Variants in CALN1 observed in about 807,000 individuals in gnomAD.
The protein encoded by CALN1 is calneuron 1.
In CALN1, 17 loss-of-function variants were observed where a neutral mutation model predicts 30.6. The observed-to-expected ratio is 0.56, with a 90% CI of 0.38 to 0.83. The LOEUF is 0.83. CALN1 is among the 40% of genes least tolerant of loss of function. The pLI is 0.00. For synonymous variants in CALN1, 156 were observed against 131.4 expected, an observed-to-expected ratio of 1.19 and a Z score of -1.28; for missense variants, 291 against 354.9, an observed-to-expected ratio of 0.82 and a Z score of 1.45.
At chr7:71,968,288 G>A (rs1027554936) in intron 5 of CALN1, among the ~76,000 whole-genome samples, 5 of 152,074 alleles carry the variant, frequency 3.3e-5, no homozygotes, top group African/African-American at 9.7e-5. Context: ...AGGCCAAAAG[G>A]TTATATACTG....
chr7:72,271,575 A>AAAAAAAAATATATATATATATATAT, intron 3 of CALN1, among the ~76,000 whole-genome samples: 6 of 52,124 alleles, frequency 1.2e-4, no homozygotes, highest in South Asian at 1.2e-3. Context: ...AAAAAAAAAA[A>AAAAAAAAATATATATATATATATAT]ATATATATAT....
intron 4 of CALN1, among the ~76,000 whole-genome samples, chr7:72,081,436 G>T (rs1563040649): frequency 8.5e-5 from 2 of 23,602 alleles, no homozygotes; most frequent in Admixed American, 5.2e-4. Flanking sequence ...TGTTTTTGGT[G>T]TGTGTGTTTT....
intron 2 of CALN1, among the ~76,000 whole-genome samples, chr7:72,308,536 C>T (rs1316774056): frequency 2.0e-5 from 3 of 152,074 alleles, no homozygotes; most frequent in Non-Finnish European, 4.4e-5. Context: ...GCTGAATGCA[C>T]GAATGAATGA....
At chr7:72,215,271 C>G (rs1792701588) in intron 3 of CALN1, among the ~76,000 whole-genome samples, 1 of 152,112 alleles carries the variant, frequency 6.6e-6, no homozygotes, top group Non-Finnish European at 1.5e-5. Flanking sequence ...GAAATGCAAA[C>G]TTGCCTCACC....
intron 5 of CALN1, among the ~76,000 whole-genome samples, chr7:71,836,342 G>C (rs553573800): frequency 6.6e-6 from 1 of 152,260 alleles, no homozygotes; most frequent in South Asian, 2.1e-4. Flanking sequence ...GCAGCTCCAG[G>C]GAAAAGGCTG....
chr7:72,279,490 G>A (rs373144370), intron 2 of CALN1, among the ~76,000 whole-genome samples: 23 of 152,172 alleles, frequency 1.5e-4, no homozygotes, highest in Non-Finnish European at 3.1e-4. Context: ...GTCCCACAAC[G>A]AAGCTACTTC....
chr7:72,104,812 T>C (rs1159015217), intron 4 of CALN1, among the ~76,000 whole-genome samples: 1 of 151,782 alleles, frequency 6.6e-6, no homozygotes. Context: ...CAAAAATTAG[T>C]CAGTTGTGGT....
rs115557585 is a variant in CALN1, at chr7:71,941,885, G to A, written c.501+81772C>T. Among the ~76,000 whole-genome samples the A allele has an allele frequency of 2.9e-3, 442 of 152,208 alleles. 1 individual carries two copies. The highest frequency in any genetic ancestry group is 0.01 in the African/African-American group (419 of 41,546). On this transcript the variant is annotated intron_variant, in intron 5 of 6. Coordinates refer to ENST00000395275, the MANE Select transcript of CALN1 (RefSeq NM_031468.4). ...TTAGGGATTGGGAGACATTCTGACTGCCCCTCATTAGGGACATAAAAAAGT... is the reference window on the plus strand; with the variant it reads ...TTAGGGATTGGGAGACATTCTGACTACCCCTCATTAGGGACATAAAAAAGT...
intron 3 of CALN1, among the ~76,000 whole-genome samples, chr7:72,172,938 T>A (rs1427330613): frequency 6.6e-6 from 1 of 151,988 alleles, no homozygotes; most frequent in Non-Finnish European, 1.5e-5. Context: ...CACTGTATTG[T>A]ATCCTAGGTC....
intron 5 of CALN1, among the ~76,000 whole-genome samples, chr7:71,934,427 T>C (rs775830683): frequency 6.6e-6 from 1 of 152,228 alleles, no homozygotes; most frequent in Non-Finnish European, 1.5e-5. Flanking sequence ...CTCATGGTTC[T>C]GCAGGATGTA....
At chr7:71,812,054 T>A (rs1054421393) in intron 5 of CALN1, among the ~76,000 whole-genome samples, 1 of 142,366 alleles carries the variant, frequency 7.0e-6, no homozygotes, top group African/African-American at 2.5e-5. Context: ...GCTTTATGAA[T>A]CATTGTGTGG....
At chr7:72,080,914 C>T (rs1050751657) in intron 4 of CALN1, among the ~76,000 whole-genome samples, 18 of 152,106 alleles carry the variant, frequency 1.2e-4, no homozygotes, top group African/African-American at 4.3e-4. Context: ...GCATTTTCAG[C>T]TTGTCCCTGT....
intron 3 of CALN1, among the ~76,000 whole-genome samples, chr7:72,142,690 T>C (rs1810041218): frequency 6.6e-6 from 1 of 152,154 alleles, no homozygotes; most frequent in Non-Finnish European, 1.5e-5. Flanking sequence ...AAGTGGGTCC[T>C]TGACCCCCGA....
At chr7:72,185,724 C>A (rs1410503319) in intron 3 of CALN1, among the ~76,000 whole-genome samples, 1 of 152,172 alleles carries the variant, frequency 6.6e-6, no homozygotes, top group Non-Finnish European at 1.5e-5. Context: ...TTTCCCCATG[C>A]TGTTCTTGTG....
chr7:72,364,120 C>A (rs1327662787), intron 2 of CALN1, among the ~76,000 whole-genome samples: 1 of 151,506 alleles, frequency 6.6e-6, no homozygotes, highest in Non-Finnish European at 1.5e-5. Context: ...TTCTAAGGGA[C>A]ACGAAAAGAC....
intron 5 of CALN1, among the ~76,000 whole-genome samples, chr7:71,835,125 C>G (rs1234680151): frequency 6.6e-6 from 1 of 152,176 alleles, no homozygotes; most frequent in East Asian, 1.9e-4. Flanking sequence ...AGGAATGAGC[C>G]ACTGTGCCCT....
chr7:72,416,805 G>A (rs1807438429), upstream of CALN1, among the ~76,000 whole-genome samples: 1 of 151,586 alleles, frequency 6.6e-6, no homozygotes, highest in South Asian at 2.1e-4. Context: ...CCGATTTGGG[G>A]ACCCACCTCT....
chr7:71,976,814 T>C (rs1393555782), intron 5 of CALN1, among the ~76,000 whole-genome samples: 1 of 152,108 alleles, frequency 6.6e-6, no homozygotes, highest in East Asian at 1.9e-4. Flanking sequence ...TGGCTGGAGT[T>C]TGCACAGAAG....
chr7:72,212,051 G>A (rs1792434907), intron 3 of CALN1, among the ~76,000 whole-genome samples: 1 of 151,972 alleles, frequency 6.6e-6, no homozygotes, highest in South Asian at 2.1e-4. Context: ...TGTTTCCTTT[G>A]CTGTTAAATA....
Sources: allele counts gnomAD v4.1 joint callset (sites outside exome capture counted in the v4.1 genomes callset), GRCh38; gene constraint gnomAD v4.1.1; transcripts MANE v1.5; gene names NCBI Gene and HGNC (gene_info 2026-07-23, HGNC 2026-07-21).